RAD51B: variants seen among roughly 807,000 people sequenced by gnomAD.
RAD51B encodes RAD51 paralog B.
Under a neutral mutation model 42.2 loss-of-function variants are expected in RAD51B, and 38 were observed. That is an observed-to-expected ratio of 0.90 (90% CI 0.70 to 1.18). RAD51B has a LOEUF of 1.18. RAD51B is among the 50% of genes most tolerant of loss of function. RAD51B has a pLI of 0.00. For missense variants in RAD51B, 373 were observed against 400.7 expected (o/e 0.93, Z 0.59); for synonymous variants, 154 against 145.2 (o/e 1.06, Z -0.43).
rs575543668 is a variant in RAD51B, at chr14:67,829,284, C to T, written c.198+3707C>T. Reference sequence around the variant, plus strand: ...TTGAGACAGAGTCTTGCTCTGTCGCCGAGGCTGGAGTGCAGTGGCACAATC... The same window carrying T: ...TTGAGACAGAGTCTTGCTCTGTCGCTGAGGCTGGAGTGCAGTGGCACAATC... On this transcript the variant is annotated intron_variant, in intron 3 of 10. Transcript: ENST00000471583. Among the ~76,000 whole-genome samples the T allele has an allele frequency of 2.0e-4, 30 of 151,740 alleles. 1 individual carries two copies. Among genetic ancestry groups the T allele is most frequent in the South Asian group, 1.0e-3 (5 of 4,810 alleles).
chr14:68,196,065 G>A (rs1293384016), intron 7 of RAD51B, among the ~76,000 whole-genome samples: 6 of 148,998 alleles, frequency 4.0e-5, no homozygotes, highest in East Asian at 4.0e-4. Context: ...TTAGCTGGGC[G>A]TGGTGGCAGG....
downstream of RAD51B, among the ~76,000 whole-genome samples, chr14:68,612,485 A>T (rs569612684): frequency 1.3e-5 from 2 of 152,196 alleles, no homozygotes; most frequent in African/African-American, 4.8e-5. Context: ...GAACAAGATG[A>T]CTCTTTGCCA....
chr14:67,890,574 T>G (rs2043188832), intron 7 of RAD51B, among the ~76,000 whole-genome samples: 1 of 151,344 alleles, frequency 6.6e-6, no homozygotes, highest in Non-Finnish European at 1.5e-5. Context: ...ACTCGTCATC[T>G]AGCATTAGGT....
At chr14:68,566,893 C>G (rs558712048) in intron 10 of RAD51B, among the ~76,000 whole-genome samples, 2 of 152,232 alleles carry the variant, frequency 1.3e-5, no homozygotes, top group South Asian at 4.1e-4. Flanking sequence ...TCTCTTCTAC[C>G]AGCAATGGCC....
At chr14:68,616,382 T>A (rs1891827347), downstream of RAD51B, among the ~76,000 whole-genome samples, 2 of 152,224 alleles carry the variant, frequency 1.3e-5, no homozygotes, top group Non-Finnish European at 2.9e-5. Context: ...GATTTGTGTA[T>A]CATTCAGTAT....
intron 7 of RAD51B, among the ~76,000 whole-genome samples, chr14:68,089,633 A>G (rs2077056309): frequency 6.6e-6 from 1 of 152,222 alleles, no homozygotes; most frequent in South Asian, 2.1e-4. Context: ...AATTGAGACC[A>G]TGCCAAGTGC....
intron 10 of RAD51B, among the ~76,000 whole-genome samples, chr14:68,641,589 A>C (rs990520688): frequency 9.2e-6 from 1 of 108,326 alleles, no homozygotes; most frequent in Non-Finnish European, 2.2e-5. Flanking sequence ...TTTTTTGTAG[A>C]TATTCTTTAT....
intron 7 of RAD51B, among the ~76,000 whole-genome samples, chr14:68,058,333 T>G (rs72725176): frequency 0.017 from 2,620 of 152,256 alleles, 35 homozygotes; most frequent in Non-Finnish European, 0.024. Flanking sequence ...GAGAAAAAAT[T>G]CAATGCATCA....
At chr14:68,602,307 CAT>C (rs1330151375) in intron 10 of RAD51B, among the ~76,000 whole-genome samples, 1 of 152,020 alleles carries the variant, frequency 6.6e-6, no homozygotes, top group Non-Finnish European at 1.5e-5. Flanking sequence ...CAAACATAGA[CAT>C]ATGTTCACAT....
chr14:68,375,690 A>C (rs912544412), intron 8 of RAD51B, among the ~76,000 whole-genome samples: 1 of 152,058 alleles, frequency 6.6e-6, no homozygotes, highest in Non-Finnish European at 1.5e-5. Context: ...TCTTTGCTTG[A>C]TACATAGTGG....
chr14:68,615,949 A>G (rs568519730), downstream of RAD51B, among the ~76,000 whole-genome samples: 2 of 152,198 alleles, frequency 1.3e-5, no homozygotes, highest in South Asian at 2.1e-4. Flanking sequence ...TCATCTTACT[A>G]TTTGTTTTCT....
At chr14:68,648,139 A>ACG in intron 10 of RAD51B, among the ~76,000 whole-genome samples, 1 of 120,894 alleles carries the variant, frequency 8.3e-6, no homozygotes, top group Non-Finnish European at 1.8e-5. Context: ...ACACGTATAT[A>ACG]TATATATACA....
chr14:68,632,353 CAA>C (rs1049669194), intron 10 of RAD51B, among the ~76,000 whole-genome samples: 4 of 152,162 alleles, frequency 2.6e-5, no homozygotes, highest in African/African-American at 9.7e-5. Flanking sequence ...CTCTCTGATC[CAA>C]AGTGTTTCTC....
At chr14:67,879,333 T>A (rs893373329) in intron 5 of RAD51B, among the ~76,000 whole-genome samples, 2 of 152,220 alleles carry the variant, frequency 1.3e-5, no homozygotes, top group African/African-American at 4.8e-5. Context: ...ATTAATGACA[T>A]CTACAAAATC....
At chr14:68,430,545 G>A (rs1035617563) in intron 9 of RAD51B, among the ~76,000 whole-genome samples, 2 of 152,052 alleles carry the variant, frequency 1.3e-5, no homozygotes, top group African/African-American at 2.4e-5. Context: ...TTTGACTCTC[G>A]GTTTGTCTGT....
chr14:68,533,095 GA>G (rs923236720), intron 10 of RAD51B, among the ~76,000 whole-genome samples: 73 of 151,822 alleles, frequency 4.8e-4, no homozygotes, highest in African/African-American at 1.7e-3. Flanking sequence ...TATAAGAATT[GA>G]AAAAAAAACA....
At chr14:68,168,925 A>G (rs1304156389) in intron 7 of RAD51B, among the ~76,000 whole-genome samples, 1 of 152,158 alleles carries the variant, frequency 6.6e-6, no homozygotes. Flanking sequence ...GGTCATGTTC[A>G]GCGAGTACAT....
intron 4 of RAD51B, among the ~76,000 whole-genome samples, chr14:67,845,639 G>A (rs917891972): frequency 6.6e-6 from 1 of 152,090 alleles, no homozygotes; most frequent in African/African-American, 2.4e-5. Flanking sequence ...CTGCACTCCA[G>A]CCTGGGTGAC....
At chr14:67,943,110 T>G (rs897015133) in intron 7 of RAD51B, among the ~76,000 whole-genome samples, 2 of 151,924 alleles carry the variant, frequency 1.3e-5, no homozygotes, top group Non-Finnish European at 2.9e-5. Context: ...TATAAAGTAG[T>G]AAAACTTATT....
Sources: allele counts gnomAD v4.1 joint callset (sites outside exome capture counted in the v4.1 genomes callset), GRCh38; gene constraint gnomAD v4.1.1; transcripts MANE v1.5; gene names NCBI Gene and HGNC (gene_info 2026-07-23, HGNC 2026-07-21).